The following SBF2 variants were observed in gnomAD, a reference collection of about 807,000 sequenced individuals.
The protein encoded by SBF2 is SET binding factor 2, also known as myotubularin-related protein 13.
A neutral mutation model predicts 225.2 loss-of-function variants in SBF2; 112 were observed. The ratio of observed to expected loss-of-function variants is 0.50; its 90% CI spans 0.43 to 0.58. The LOEUF is 0.58. Ranked by LOEUF, SBF2 falls within the 20% of genes least tolerant of loss-of-function variation. The pLI, the probability that SBF2 is intolerant of heterozygous loss-of-function variation, is 0.00. For synonymous variants in SBF2, 763 were observed against 773.3 expected, an observed-to-expected ratio of 0.99 and a Z score of 0.22; for missense variants, 1,996 against 2,206.2, an observed-to-expected ratio of 0.90 and a Z score of 1.91.
At chr11:10,002,818 A>G in intron 6 of SBF2, 129 bp from the exon 7 acceptor site, 1 of 837,068 alleles carries the variant, frequency 1.2e-6, no homozygotes, top group Non-Finnish European at 2.0e-6. Context: ...ACTTGGTTAA[A>G]CTGTAAATTC....
In SBF2 at chr11:9,790,660, C is replaced by T; in HGVS notation, c.4594G>A (p.Glu1532Lys). 1 of 1,583,176 alleles carries T rather than the reference C, an allele frequency of 6.3e-7. No individual in the cohort carries two copies. Among genetic ancestry groups the T allele is most frequent in the East Asian group, 2.2e-5 (1 of 44,654 alleles). ...CAGACTCCTTTTTTGGCATGCTTTT[C>T]TCCTTTATCATCAAATAAAGTTCCT... is the stretch of plus-strand genomic sequence containing the variant. ...EHGTLFDDKG[E>K]KHAKKGVCIW... Residue 1532 changes from glutamate (E) to lysine (K), a missense_variant, in exon 34 of 40, where the codon GAA becomes AAA. Physicochemically the swap from Glu to Lys is moderately conservative, Grantham distance 56 (BLOSUM62 1). Coordinates refer to ENST00000256190, the MANE Select transcript of SBF2 (RefSeq NM_030962.4).
chr11:10,037,108 G>C (rs1417590940), intron 3 of SBF2, among the ~76,000 whole-genome samples: 2 of 152,102 alleles, frequency 1.3e-5, no homozygotes, highest in Admixed American at 6.5e-5. Context: ...GGGACATCAA[G>C]GGGACTGTTA....
intron 15 of SBF2, among the ~76,000 whole-genome samples, chr11:9,963,327 C>T (rs1866699008): frequency 1.3e-5 from 2 of 151,786 alleles, no homozygotes; most frequent in Non-Finnish European, 2.9e-5. Context: ...GAGGCGGGCG[C>T]AGTGGTGCGT....
At chr11:9,829,320 G>C (rs570224322) in intron 28 of SBF2, 36 bp downstream of exon 28, 1 of 1,608,420 alleles carries the variant, frequency 6.2e-7, no homozygotes, top group South Asian at 1.1e-5. Context: ...CCTTTCATTA[G>C]AAGCTGTCAA....
intron 6 of SBF2, among the ~76,000 whole-genome samples, chr11:10,019,658 G>GA (rs554132773): frequency 5.9e-4 from 84 of 142,018 alleles, no homozygotes; most frequent in Admixed American, 2.0e-3. Context: ...GTCAAACATT[G>GA]AAAAAAAAAA....
intron 16 of SBF2, among the ~76,000 whole-genome samples, chr11:9,932,481 C>G (rs1055093599): frequency 1.3e-5 from 2 of 152,102 alleles, no homozygotes; most frequent in African/African-American, 4.8e-5. Flanking sequence ...AATATTCATC[C>G]TTCTTAAAGA....
rs917174023 is a variant in SBF2 at position 9,816,800 on chromosome 11, G to A, written c.3978+40C>T. On this transcript the variant is annotated intron_variant, in intron 29 of 39. Coordinates refer to ENST00000256190, the MANE Select transcript of SBF2 (RefSeq NM_030962.4). ...TACAGGTTTTATCAACAGCCCTAGCGTATCCATAAAGTTTCTAAGTGAGAA... is the reference window on the plus strand; with the variant it reads ...TACAGGTTTTATCAACAGCCCTAGCATATCCATAAAGTTTCTAAGTGAGAA... 26 of 1,590,782 alleles carry A rather than the reference G, an allele frequency of 1.6e-5. No individual in the cohort carries two copies. The East Asian group carries it at 2.2e-4, about 14-fold the overall frequency.
chr11:10,285,027 T>C (rs1425166621), intron 1 of SBF2, among the ~76,000 whole-genome samples: 1 of 152,068 alleles, frequency 6.6e-6, no homozygotes, highest in Non-Finnish European at 1.5e-5. Flanking sequence ...AGTGTATCAT[T>C]TGGCCAGTGA....
At chr11:10,193,858 G>T in intron 2 of SBF2, 44 bp downstream of exon 2, 1 of 1,313,830 alleles carries the variant, frequency 7.6e-7, no homozygotes, top group Non-Finnish European at 1.1e-6. Flanking sequence ...TGACAAAAAA[G>T]AAAAGTAACA....
At chr11:10,278,969 C>T (rs1963190609) in intron 1 of SBF2, among the ~76,000 whole-genome samples, 3 of 151,674 alleles carry the variant, frequency 2.0e-5, no homozygotes, top group Non-Finnish European at 4.4e-5. Flanking sequence ...AGGCTGGGCG[C>T]AATGGCTTAA....
intron 2 of SBF2, among the ~76,000 whole-genome samples, chr11:10,072,943 A>C (rs1477804125): frequency 2.6e-5 from 4 of 151,642 alleles, no homozygotes; most frequent in African/African-American, 9.7e-5. Context: ...ATTTTTGGTA[A>C]AGACAGGTTT....
At chr11:9,917,123 G>A (rs1863166202) in intron 16 of SBF2, among the ~76,000 whole-genome samples, 1 of 151,518 alleles carries the variant, frequency 6.6e-6, no homozygotes, top group African/African-American at 2.4e-5. Flanking sequence ...ACATGTAAGT[G>A]AAAAGAAAGC....
In SBF2 at chr11:9,810,553, C is replaced by A. The variant is rs573185298; in HGVS notation, c.4156-1551G>T. ...GAAAAAACCCATCTCTTAAACAGAG[C>A]TAGGCTACTTTAAACACAGGAATAA... On this transcript the variant is annotated intron_variant, in intron 30 of 39. Coordinates refer to ENST00000256190, the MANE Select transcript of SBF2 (RefSeq NM_030962.4). 13 of 152,268 alleles carry A rather than the reference C, an allele frequency of 8.5e-5. No homozygotes were observed. In the East Asian group the frequency reaches 2.5e-3, roughly 29 times the overall value. The allele number at this position is 152,268 out of a possible 1,614,324, so 9.4% of individuals were successfully genotyped here.
chr11:10,056,610 G>C (rs1388004852), intron 2 of SBF2, among the ~76,000 whole-genome samples: 5 of 152,214 alleles, frequency 3.3e-5, no homozygotes, highest in African/African-American at 1.2e-4. Context: ...CAACTTTGCT[G>C]AAGATGTTTA....
intron 2 of SBF2, among the ~76,000 whole-genome samples, chr11:10,143,620 T>C (rs1350580581): frequency 6.6e-6 from 1 of 152,192 alleles, no homozygotes; most frequent in Non-Finnish European, 1.5e-5. Context: ...TCAATATCAG[T>C]AAGATGTCAT....
intron 16 of SBF2, among the ~76,000 whole-genome samples, chr11:9,927,891 C>A (rs1864175273): frequency 6.6e-6 from 1 of 152,166 alleles, no homozygotes; most frequent in South Asian, 2.1e-4. Flanking sequence ...AATGATGCAA[C>A]AACAACTCTA....
At chr11:10,265,905 G>A (rs1961944368) in intron 1 of SBF2, among the ~76,000 whole-genome samples, 1 of 152,070 alleles carries the variant, frequency 6.6e-6, no homozygotes, top group African/African-American at 2.4e-5. Context: ...GTGTTTTAGA[G>A]ATGGGGGTCT....
intron 16 of SBF2, among the ~76,000 whole-genome samples, chr11:9,901,926 A>G (rs556608423): frequency 2.0e-4 from 30 of 152,288 alleles, no homozygotes; most frequent in African/African-American, 7.2e-4. Flanking sequence ...GATCATAGGC[A>G]TGAAAACAGG....
intron 13 of SBF2, among the ~76,000 whole-genome samples, chr11:9,985,217 A>G (rs1038557057): frequency 2.0e-5 from 3 of 152,208 alleles, no homozygotes; most frequent in African/African-American, 7.2e-5. Flanking sequence ...CTCACCTAAC[A>G]TACATAACGA....
Sources: gnomAD v4.1 joint callset for allele counts (sites outside exome capture counted in the v4.1 genomes callset) on GRCh38, gnomAD v4.1.1 for gene constraint, MANE v1.5 for transcripts, NCBI Gene and HGNC (gene_info 2026-07-23, HGNC 2026-07-21) for gene names.